Variants in PTPRK observed in about 807,000 individuals in gnomAD.
PTPRK encodes receptor-type tyrosine-protein phosphatase kappa.
PTPRK carries 75 observed loss-of-function variants against 178.0 expected under a neutral mutation model. The ratio of observed to expected loss-of-function variants is 0.42; its 90% CI spans 0.35 to 0.51. The LOEUF is 0.51. Ranked by LOEUF, PTPRK falls within the 20% of genes least tolerant of loss-of-function variation. The pLI is 0.02. For synonymous variants in PTPRK, 637 were observed against 620.6 expected, an observed-to-expected ratio of 1.03 and a Z score of -0.39; for missense variants, 1,441 against 1,797.8, an observed-to-expected ratio of 0.80 and a Z score of 3.59.
At chr6:128,279,840 T>A (rs1821392443) in intron 3 of PTPRK, among the ~76,000 whole-genome samples, 1 of 152,156 alleles carries the variant, frequency 6.6e-6, no homozygotes, top group African/African-American at 2.4e-5. Flanking sequence ...TATTAACAAC[T>A]CCTCACATTC....
chr6:128,443,063 CATG>C (rs1171714920), intron 1 of PTPRK, among the ~76,000 whole-genome samples: 2 of 151,178 alleles, frequency 1.3e-5, no homozygotes, highest in African/African-American at 4.9e-5. Context: ...GTTAAAATAA[CATG>C]ATAACATAGT....
intron 11 of PTPRK, among the ~76,000 whole-genome samples, chr6:128,077,900 T>C (rs910105442): frequency 5.3e-5 from 8 of 151,956 alleles, no homozygotes; most frequent in Non-Finnish European, 1.2e-4. Flanking sequence ...AATGGCAAAC[T>C]GAACATTCAA....
chr6:128,008,039 T>C lies in PTPRK; in HGVS notation c.2333+1091A>G, dbSNP rs774451401. 14 of 1,341,016 alleles carry C rather than the reference T, an allele frequency of 1.0e-5. No homozygotes were observed. In the Admixed American group the frequency reaches 2.5e-4, roughly 24 times the overall value. The allele number at this position is 1,341,016 out of a possible 1,614,324, so 83.1% of individuals were successfully genotyped here. On this transcript the variant is annotated intron_variant, in intron 14 of 29. Coordinates refer to ENST00000368226, the MANE Select transcript of PTPRK (RefSeq NM_002844.4). ...GCTAATTTAACACAAAACACTATAA[T>C]GCATACCTAATGTTTCTAATGCAGA...
rs1835278470 is a variant in PTPRK, at chr6:128,364,921, G to A, written c.223+32645C>T. Among the ~76,000 whole-genome samples, 3 of 152,092 alleles carry A rather than the reference G, an allele frequency of 2.0e-5. No individual in the cohort carries two copies. In the South Asian group the frequency reaches 6.2e-4, roughly 32 times the overall value. ...TCTAAATCTGAGCTTATTAAACAGT[G>A]CTGCTATAAACAGTGCTGTAATAGA... is the stretch of plus-strand genomic sequence containing the variant. On this transcript the variant is annotated intron_variant, in intron 2 of 29. Coordinates refer to ENST00000368226, the MANE Select transcript of PTPRK (RefSeq NM_002844.4).
chr6:128,196,549 C>T (rs1804893760), intron 6 of PTPRK, among the ~76,000 whole-genome samples: 1 of 152,108 alleles, frequency 6.6e-6, no homozygotes, highest in Admixed American at 6.6e-5. Flanking sequence ...ATCTGACATT[C>T]ATAGTATCAA....
intron 5 of PTPRK, among the ~76,000 whole-genome samples, chr6:128,220,541 T>C (rs890687270): frequency 6.6e-6 from 1 of 152,160 alleles, no homozygotes; most frequent in Non-Finnish European, 1.5e-5. Context: ...AATGATAACA[T>C]TCCTGTTGGA....
chr6:128,355,824 AC>A (rs942242454), intron 2 of PTPRK, among the ~76,000 whole-genome samples: 63 of 152,296 alleles, frequency 4.1e-4, no homozygotes, highest in African/African-American at 1.4e-3. Context: ...ATAAAAATAA[AC>A]AAAAAGAAAT....
chr6:128,499,295 T>G (rs957847823), intron 1 of PTPRK, among the ~76,000 whole-genome samples: 2 of 152,228 alleles, frequency 1.3e-5, no homozygotes, highest in African/African-American at 2.4e-5. Context: ...GAAAAATATT[T>G]TAAAAGACAA....
intron 13 of PTPRK, chr6:128,062,577 A>G (rs941352602): frequency 2.4e-5 from 4 of 167,108 alleles, no homozygotes; most frequent in South Asian, 2.1e-4. Flanking sequence ...ACTGTCTAAC[A>G]TAAGTTATGT....
intron 5 of PTPRK, among the ~76,000 whole-genome samples, chr6:128,219,589 T>C (rs1026478015): frequency 6.6e-6 from 1 of 152,190 alleles, no homozygotes; most frequent in Non-Finnish European, 1.5e-5. Flanking sequence ...GCCTGGGGGT[T>C]GGGGACCCCT....
chr6:128,293,742 T>C (rs1007003043), intron 3 of PTPRK, among the ~76,000 whole-genome samples: 4 of 152,126 alleles, frequency 2.6e-5, no homozygotes, highest in Non-Finnish European at 4.4e-5. Context: ...AATTACAGGC[T>C]CTTAGGTTTA....
intron 7 of PTPRK, among the ~76,000 whole-genome samples, chr6:128,090,433 G>T (rs1186334770): frequency 6.6e-6 from 1 of 152,026 alleles, no homozygotes; most frequent in Non-Finnish European, 1.5e-5. Context: ...TATTCTAATT[G>T]TAACAATAAT....
chr6:128,228,324 G>A (rs968359224), intron 5 of PTPRK, among the ~76,000 whole-genome samples: 1 of 151,610 alleles, frequency 6.6e-6, no homozygotes, highest in Non-Finnish European at 1.5e-5. Flanking sequence ...CAGGATCAAG[G>A]GTACAGATAA....
intron 7 of PTPRK, among the ~76,000 whole-genome samples, chr6:128,170,233 A>G (rs1800035848): frequency 6.6e-6 from 1 of 151,620 alleles, no homozygotes; most frequent in African/African-American, 2.4e-5. Flanking sequence ...ATGAGTTAAA[A>G]CTCCCCTGCA....
rs754265647 is a variant in PTPRK, at chr6:128,519,055, C to G, written c.100+1204G>C. On this transcript the variant is annotated intron_variant, in intron 1 of 29. Coordinates refer to ENST00000368226, the MANE Select transcript of PTPRK (RefSeq NM_002844.4). This position sits in a 1 kb window ranked among gnomAD's most constrained non-coding sequence, Gnocchi z 4.3. ...CCAGGAGCGTGGCTGTCGCTTTTCC[C>G]GTCTTCTCCATCACCCTCTGGCCAC... 1.3e-5 allele frequency: 7 copies of G among 532,154 alleles called. No individual in the cohort carries two copies. The highest frequency in any genetic ancestry group is 1.1e-4 in the East Asian group (2 of 18,306). The allele number at this position is 532,154 out of a possible 1,614,324, so 33.0% of individuals were successfully genotyped here.
intron 25 of PTPRK, among the ~76,000 whole-genome samples, chr6:127,979,349 C>CA (rs1217132591): frequency 1.3e-5 from 2 of 152,134 alleles, no homozygotes; most frequent in Non-Finnish European, 2.9e-5. Flanking sequence ...ATGCCAATGG[C>CA]AAAAAATTCA....
chr6:128,283,605 C>CT (rs766560565), intron 3 of PTPRK, among the ~76,000 whole-genome samples: 28 of 152,072 alleles, frequency 1.8e-4, no homozygotes, highest in Non-Finnish European at 3.2e-4. Context: ...CATTCCTAAA[C>CT]TATCATTTTC....
At position 128,090,013 on chromosome 6, in the gene PTPRK, G is replaced by T. The variant is rs749899237; in HGVS notation, c.1163-21C>A. 18 of 1,534,572 alleles carry T rather than the reference G, an allele frequency of 1.2e-5. No homozygotes were observed. In the East Asian group the frequency reaches 1.4e-4, roughly 12 times the overall value. ...AGGTTCTGAAAAATAAATCAGAGTT[G>T]TAGACAGCTGTCTATTATATCATGA... On this transcript the variant is annotated intron_variant, in intron 7 of 29. Transcript: ENST00000368226.
chr6:128,511,394 A>G (rs1484679218), intron 1 of PTPRK, among the ~76,000 whole-genome samples: 1 of 152,198 alleles, frequency 6.6e-6, no homozygotes, highest in Non-Finnish European at 1.5e-5. Flanking sequence ...CTTAGATTCA[A>G]TGGTTGGAAA....
Sources: allele counts gnomAD v4.1 joint callset (sites outside exome capture counted in the v4.1 genomes callset), GRCh38; gene constraint gnomAD v4.1.1; non-coding constraint Gnocchi (gnomAD v3.1); transcripts MANE v1.5; gene names NCBI Gene and HGNC (gene_info 2026-07-23, HGNC 2026-07-21).